The following AKAP13 variants were observed in gnomAD, a reference collection of about 807,000 sequenced individuals.
AKAP13 encodes A-kinase anchor protein 13.
AKAP13 carries 80 observed loss-of-function variants against 264.5 expected under a neutral mutation model. The ratio of observed to expected loss-of-function variants is 0.30; its 90% confidence interval spans 0.25 to 0.36. The LOEUF (loss-of-function observed/expected upper bound fraction) is 0.36, where lower values mean the gene tolerates loss of function less well. Among genes scored for constraint, AKAP13 ranks in the 10% least tolerant of loss-of-function variants. The pLI, the probability that AKAP13 is intolerant of heterozygous loss-of-function variation, is 1.00. For missense variants in AKAP13, 3,712 were observed against 3,435.2 expected (o/e 1.08, Z -2.01); for synonymous variants, 1,380 against 1,250.2 (o/e 1.10, Z -2.19).
At chr15:85,744,463 C>A in intron 36 of AKAP13, 165 bp from the exon 37 acceptor site, 1 of 717,118 alleles carries the variant, frequency 1.4e-6, no homozygotes. Context: ...CACTTAAGAA[C>A]CTTATTAACC....
Position 85,563,009 on chromosome 15 carries a change from T to C in AKAP13, c.663-12122T>C, listed in dbSNP as rs143127689. On this transcript the variant is annotated intron_variant, in intron 5 of 36. Transcript: ENST00000394518. ...GATTACACGTGTGAGCCACTGCACC[T>C]GGCCCCCACTTTTCTTTAAACAGAT... Among the ~76,000 whole-genome samples the C allele has an allele frequency of 1.5e-3, 223 of 152,104 alleles. 2 individuals are homozygous for C. The highest frequency in any genetic ancestry group is 5.1e-3 in the African/African-American group (213 of 41,508).
At position 85,735,616 on chromosome 15, in the gene AKAP13, AGTG is replaced by A; in HGVS notation, c.7500_7502del (p.Gly2501del). 6.2e-7 allele frequency: 1 copy of A among 1,613,174 alleles called. No individual in the cohort carries two copies. The highest frequency in any genetic ancestry group is 1.1e-5 in the South Asian group (1 of 90,652). On this transcript the variant is annotated inframe_deletion, in exon 32 of 37. Coordinates refer to ENST00000394518, the MANE Select transcript of AKAP13 (RefSeq NM_007200.5). The stretch of plus-strand genomic sequence containing the variant: ...AGATCTTAGGAGAACGGAATCAGAT[AGTG>A]GCCTAAAAAAGGTATTTCTCTTTAA...
intron 8 of AKAP13, among the ~76,000 whole-genome samples, chr15:85,604,784 A>T (rs930135780): frequency 8.5e-5 from 8 of 94,294 alleles, no homozygotes; most frequent in African/African-American, 3.1e-4. Context: ...CTTTAGGTTC[A>T]TCAGAATGAG....
chr15:85,499,679 A>C (rs1333713328), intron 2 of AKAP13, among the ~76,000 whole-genome samples: 1 of 151,456 alleles, frequency 6.6e-6, no homozygotes. Context: ...TAACACATGC[A>C]TAAAGAAAAA....
chr15:85,431,774 T>C (rs915819748), intron 1 of AKAP13, among the ~76,000 whole-genome samples: 1 of 152,222 alleles, frequency 6.6e-6, no homozygotes, highest in South Asian at 2.1e-4. Context: ...TATTCTTGCT[T>C]GTAGGCAATA....
At chr15:85,399,926 A>G (rs1345521297) in intron 1 of AKAP13, among the ~76,000 whole-genome samples, 3 of 152,182 alleles carry the variant, frequency 2.0e-5, no homozygotes, top group Admixed American at 1.3e-4. Flanking sequence ...ATCTAAATGC[A>G]TGTTAGAATT....
Position 85,717,988 on chromosome 15 carries a change from G to T in AKAP13, c.5849-19G>T, listed in dbSNP as rs114396440. On this transcript the variant is annotated intron_variant, in intron 21 of 36. Coordinates refer to ENST00000394518, the MANE Select transcript of AKAP13 (RefSeq NM_007200.5). ...AGGTCACAAACCTGATTCTGATATTGATTTTTTGATATATTGAGGAGTAGG... is the reference window on the plus strand; with the variant it reads ...AGGTCACAAACCTGATTCTGATATTTATTTTTTGATATATTGAGGAGTAGG... The T allele has an allele frequency of 6.2e-7, 1 of 1,607,552 alleles. No individual in the cohort carries two copies. The highest frequency in any genetic ancestry group is 1.3e-5 in the African/African-American group (1 of 74,644).
At chr15:85,615,606 A>T (rs2080901828) in intron 8 of AKAP13, among the ~76,000 whole-genome samples, 1 of 152,218 alleles carries the variant, frequency 6.6e-6, no homozygotes. Flanking sequence ...TGGATGGATC[A>T]CTATATTTAA....
chr15:85,590,942 A>G (rs1323960160), intron 8 of AKAP13, among the ~76,000 whole-genome samples: 1 of 152,204 alleles, frequency 6.6e-6, no homozygotes, highest in East Asian at 1.9e-4. Flanking sequence ...CTATTCACTT[A>G]TTTTAGTAAC....
At chr15:85,481,879 A>G (rs1596307131) in intron 1 of AKAP13, among the ~76,000 whole-genome samples, 1 of 152,136 alleles carries the variant, frequency 6.6e-6, no homozygotes, top group Admixed American at 6.5e-5. Flanking sequence ...AAGAAGTAGG[A>G]TTTTCTCTCT....
At chr15:85,544,040 A>G in intron 5 of AKAP13, 85 bp downstream of exon 5, 3 of 1,512,572 alleles carry the variant, frequency 2.0e-6, no homozygotes, top group Non-Finnish European at 2.7e-6. Flanking sequence ...TTGGCATCTC[A>G]TTGTGTGTTT....
At chr15:85,622,319 G>A (rs764111991) in intron 8 of AKAP13, among the ~76,000 whole-genome samples, 11 of 152,186 alleles carry the variant, frequency 7.2e-5, no homozygotes, top group Non-Finnish European at 1.5e-4. Flanking sequence ...CTGATCTCCA[G>A]AGGATGGAAA....
intron 17 of AKAP13, chr15:85,701,151 T>C (rs934226045): frequency 1.3e-5 from 2 of 152,256 alleles, no homozygotes; most frequent in Non-Finnish European, 2.9e-5. Flanking sequence ...CTACTGGTTC[T>C]GTGCTAATAG....
At chr15:85,655,327 A>G (rs1014917001) in intron 10 of AKAP13, 90 bp from the exon 11 acceptor site, 31 of 1,491,756 alleles carry the variant, frequency 2.1e-5, no homozygotes, top group Non-Finnish European at 2.8e-5. Context: ...CCTGGAATCC[A>G]CTGAGAAGCC....
At chr15:85,737,542 C>A (rs2088632161) in intron 33 of AKAP13, among the ~76,000 whole-genome samples, 1 of 152,114 alleles carries the variant, frequency 6.6e-6, no homozygotes, top group Non-Finnish European at 1.5e-5. Context: ...TAAGGGGAAT[C>A]TTTCCTTTTT....
Position 85,655,511 on chromosome 15 carries a change from A to G in AKAP13, c.4469A>G (p.Asp1490Gly), listed in dbSNP as rs772094285. ...GACCGACATTCTTCTCATGGCAGTG[A>G]TGTGTCTCTCTCCCAGATTTTAAAG... ...SLDRHSSHGS[D>G]VSLSQILKPN... Residue 1490 changes from aspartate (D) to glycine (G), a missense_variant, in exon 11 of 37, where the codon GAT becomes GGT. By Grantham distance (94) the Asp-to-Gly change is moderately conservative (BLOSUM62 -1). This residue lies in a region of AKAP13 where 2,759 missense variants were observed against 2,411.7 expected (regional missense o/e 1.14). Coordinates refer to ENST00000394518, the MANE Select transcript of AKAP13 (RefSeq NM_007200.5). 5 of 1,614,064 alleles carry G rather than the reference A, an allele frequency of 3.1e-6. No individual in the cohort carries two copies. In the Admixed American group the frequency reaches 6.7e-5, roughly 22 times the overall value.
rs758521562 is a variant in AKAP13 at position 85,748,432 on chromosome 15, G to GAC, written c.*3756_*3757dup. On this transcript the variant is annotated 3_prime_UTR_variant, in exon 37 of 37. Transcript: ENST00000394518. ...TGTGTGCCTTGCCTTCCTTCAGCAG[G>GAC]ACCGTCTAGGTGCGCAGCCACCTAT... The GAC allele has an allele frequency of 1.3e-5, 2 of 152,332 alleles. No homozygotes were observed. Among genetic ancestry groups the GAC allele is most frequent in the East Asian group, 1.9e-4 (1 of 5,176 alleles). The allele number at this position is 152,332 out of a possible 1,614,324, so 9.4% of individuals were successfully genotyped here.
At chr15:85,681,960 C>G (rs1027663252) in intron 14 of AKAP13, among the ~76,000 whole-genome samples, 198 bp from the exon 15 acceptor site, 1 of 152,184 alleles carries the variant, frequency 6.6e-6, no homozygotes, top group Non-Finnish European at 1.5e-5. Flanking sequence ...GAGAAATTCA[C>G]TACCTACTTC....
intron 8 of AKAP13, among the ~76,000 whole-genome samples, chr15:85,603,669 C>T (rs1029520325): frequency 2.1e-4 from 32 of 152,342 alleles, no homozygotes; most frequent in Non-Finnish European, 4.0e-4. Flanking sequence ...GCCAGCCTCG[C>T]CAGAATCCCC....
Sources: gnomAD v4.1 joint callset for allele counts (sites outside exome capture counted in the v4.1 genomes callset) on GRCh38, gnomAD v4.1.1 for gene constraint, gnomAD v4.1.1 regional missense constraint, MANE v1.5 for transcripts, NCBI Gene and HGNC (gene_info 2026-07-23, HGNC 2026-07-21) for gene names.